CHD1: variants seen among roughly 807,000 people sequenced by gnomAD.
CHD1 encodes the protein ATP-dependent chromatin remodeler CHD1.
CHD1 carries 36 observed loss-of-function variants against 224.2 expected under a neutral mutation model. That is an observed-to-expected ratio of 0.16 (90% CI 0.12 to 0.21). CHD1 has a LOEUF of 0.21. Ranked by LOEUF, CHD1 falls within the 10% of genes least tolerant of loss-of-function variation. The pLI is 1.00. For missense variants in CHD1, 1,378 were observed against 1,994.8 expected, an observed-to-expected ratio of 0.69 and a Z score of 5.89; for synonymous variants, 668 against 658.3, an observed-to-expected ratio of 1.01 and a Z score of -0.23.
chr5:98,880,877 A>C (rs952857267), intron 22 of CHD1, among the ~76,000 whole-genome samples, 199 bp downstream of exon 22: 17 of 152,214 alleles, frequency 1.1e-4, no homozygotes, highest in Admixed American at 9.8e-4. Flanking sequence ...TTTCCACCCA[A>C]CTAAATGTAA....
intron 15 of CHD1, among the ~76,000 whole-genome samples, chr5:98,892,148 C>T (rs1751060490): frequency 6.6e-6 from 1 of 152,128 alleles, no homozygotes; most frequent in Admixed American, 6.5e-5. Flanking sequence ...TAATACTCTT[C>T]AAAAAGCAGC....
At chr5:98,921,038 T>C (rs888526184) in intron 2 of CHD1, among the ~76,000 whole-genome samples, 4 of 152,266 alleles carry the variant, frequency 2.6e-5, no homozygotes, top group Non-Finnish European at 5.9e-5. Context: ...GTTTAGGTAA[T>C]AGTTTTTTAA....
At chr5:98,897,951 C>T (rs1335544208) in intron 10 of CHD1, among the ~76,000 whole-genome samples, 1 of 152,060 alleles carries the variant, frequency 6.6e-6, no homozygotes, top group Non-Finnish European at 1.5e-5. Context: ...TGACAATCAC[C>T]ATAACCAACT....
intron 7 of CHD1, 22 bp from the exon 8 acceptor site, chr5:98,899,727 C>A: frequency 6.6e-7 from 1 of 1,518,582 alleles, no homozygotes; most frequent in Non-Finnish European, 9.1e-7. Context: ...AGCACAAGAT[C>A]CTTCCATGTA....
At chr5:98,923,418 A>ATTT (rs5869836) in intron 2 of CHD1, among the ~76,000 whole-genome samples, 2 of 145,880 alleles carry the variant, frequency 1.4e-5, no homozygotes, top group Admixed American at 6.8e-5. Context: ...GCAAGGTTTA[A>ATTT]TTTTTTTTTT....
chr5:98,912,059 G>GA (rs957703059), intron 2 of CHD1, among the ~76,000 whole-genome samples: 9 of 150,616 alleles, frequency 6.0e-5, no homozygotes, highest in Admixed American at 1.3e-4. Flanking sequence ...TGGTCTAAAA[G>GA]AAAAAAAAAT....
intron 16 of CHD1, 27 bp from the exon 17 acceptor site, chr5:98,888,267 T>C (rs1427718242): frequency 6.4e-7 from 1 of 1,561,732 alleles, no homozygotes; most frequent in Middle Eastern, 1.7e-4. Flanking sequence ...AGTTGTTATA[T>C]GTTAAAAGAC....
chr5:98,871,705 T>C (rs982843989), intron 28 of CHD1, among the ~76,000 whole-genome samples: 2 of 152,138 alleles, frequency 1.3e-5, no homozygotes, highest in African/African-American at 4.8e-5. Flanking sequence ...TCTTTATATA[T>C]TATATGATTG....
In CHD1 at chr5:98,854,847, T is replaced by C. The variant is rs1747904873; in HGVS notation, c.*1533A>G. 6.6e-6 allele frequency: 1 copy of C among 152,180 alleles called. No homozygotes were observed. The highest frequency in any genetic ancestry group is 2.4e-5 in the African/African-American group (1 of 41,452). 9.4% of individuals were successfully genotyped at this position (152,180 alleles called of 1,614,324 possible). On this transcript the variant is annotated 3_prime_UTR_variant, in exon 36 of 36. Transcript: ENST00000614616. ...ACTTATATTCGTCAAAGATTCAAAT[T>C]TGTTACATCAAAGCATACATGCAAG...
At chr5:98,879,790 T>G (rs1371807863) in intron 22 of CHD1, 62 bp from the exon 23 acceptor site, 2 of 1,108,878 alleles carry the variant, frequency 1.8e-6, no homozygotes, top group Admixed American at 5.3e-5. Flanking sequence ...AAAAGTTTTT[T>G]TTAAGGGGAA....
intron 13 of CHD1, 54 bp from the exon 14 acceptor site, chr5:98,893,660 C>T: frequency 8.8e-7 from 1 of 1,138,216 alleles, no homozygotes; most frequent in Non-Finnish European, 1.3e-6. Context: ...TCAAATTTAG[C>T]CTTCCCATTT....
At chr5:98,865,673 T>G (rs905410866) in intron 31 of CHD1, among the ~76,000 whole-genome samples, 1 of 152,146 alleles carries the variant, frequency 6.6e-6, no homozygotes, top group Non-Finnish European at 1.5e-5. Context: ...GAAGCAAATA[T>G]GTTTAGAGAG....
chr5:98,876,820 TGAG>T (rs1004256229), intron 23 of CHD1, among the ~76,000 whole-genome samples: 33 of 152,294 alleles, frequency 2.2e-4, no homozygotes, highest in Non-Finnish European at 1.2e-4. Context: ...GCATTTTTCC[TGAG>T]GAGATCAGAA....
At chr5:98,869,024 T>C (rs1471192066) in intron 30 of CHD1, 1 of 853,592 alleles carries the variant, frequency 1.2e-6, no homozygotes, top group Non-Finnish European at 1.4e-6. Context: ...CTTTTCTTCC[T>C]TTATGTCTTT....
intron 15 of CHD1, among the ~76,000 whole-genome samples, chr5:98,890,151 T>A (rs1289769167): frequency 1.3e-5 from 2 of 152,064 alleles, no homozygotes; most frequent in African/African-American, 2.4e-5. Context: ...CACATATACC[T>A]CCAGTATCTA....
At position 98,856,327 on chromosome 5, in the gene CHD1, T is replaced by C. The variant is rs151025302; in HGVS notation, c.*53A>G. 1.5e-4 allele frequency: 200 copies of C among 1,352,402 alleles called. No individual in the cohort carries two copies. The East Asian group carries it at 4.3e-3, about 29-fold the overall frequency. 83.8% of individuals were successfully genotyped at this position (1,352,402 alleles called of 1,614,324 possible). ...TCATGTAAGGCAATTACTGTGTTGG[T>C]TTATGATATATGGCTAAAAGAAAAG... On this transcript the variant is annotated 3_prime_UTR_variant, in exon 36 of 36. Transcript: ENST00000614616.
In CHD1 at chr5:98,855,230, T is replaced by C. The variant is rs1747932137; in HGVS notation, c.*1150A>G. On this transcript the variant is annotated 3_prime_UTR_variant, in exon 36 of 36. Transcript: ENST00000614616. ...CCTTTTTCTTAAATTTAATTTGTCA[T>C]ATATAACGTTTTTATATACAATCAG... 6.5e-6 allele frequency: 1 copy of C among 152,736 alleles called. No homozygotes were observed. Among genetic ancestry groups the C allele is most frequent in the East Asian group, 1.9e-4 (1 of 5,188 alleles). The allele number at this position is 152,736 out of a possible 1,614,324, so 9.5% of individuals were successfully genotyped here. A position where few individuals can be genotyped will look rare whatever the true frequency, so the allele number is the denominator to read the frequency against.
At chr5:98,910,669 C>T (rs891679958) in intron 2 of CHD1, among the ~76,000 whole-genome samples, 21 of 152,110 alleles carry the variant, frequency 1.4e-4, no homozygotes, top group Middle Eastern at 3.4e-3. Flanking sequence ...TGTTTATATT[C>T]CCCTTTCACA....
intron 31 of CHD1, 81 bp from the exon 32 acceptor site, chr5:98,863,667 T>A: frequency 2.3e-6 from 2 of 884,736 alleles, no homozygotes; most frequent in Non-Finnish European, 3.5e-6. Flanking sequence ...CAATGATATT[T>A]ACATGAGTAT....
Sources: allele counts gnomAD v4.1 joint callset (sites outside exome capture counted in the v4.1 genomes callset), GRCh38; gene constraint gnomAD v4.1.1; transcripts MANE v1.5; gene names NCBI Gene and HGNC (gene_info 2026-07-23, HGNC 2026-07-21).